The following ATXN1 variants were observed in gnomAD, a reference collection of about 807,000 sequenced individuals.
The protein encoded by ATXN1 is ataxin-1.
In ATXN1, 8 loss-of-function variants were observed where a neutral mutation model predicts 56.4. The ratio of observed to expected loss-of-function variants is 0.14; its 90% CI spans 0.08 to 0.26. ATXN1 has a LOEUF of 0.26. ATXN1 is among the 10% of genes least tolerant of loss of function. The pLI, the probability that ATXN1 is intolerant of heterozygous loss-of-function variation, is 1.00. For synonymous variants in ATXN1, 514 were observed against 494.6 expected (o/e 1.04, Z -0.52); for missense variants, 987 against 1,106.5 (o/e 0.89, Z 1.53).
intron 3 of ATXN1, among the ~76,000 whole-genome samples, chr6:16,610,849 C>A (rs113625415): frequency 7.5e-6 from 1 of 133,330 alleles, no homozygotes; most frequent in African/African-American, 2.8e-5. Context: ...CACATCGAGA[C>A]GTCATCTATA....
chr6:16,553,695 C>T (rs2237182), intron 4 of ATXN1, among the ~76,000 whole-genome samples: 30,920 of 152,058 alleles, frequency 0.2, 3,430 homozygotes, highest in Non-Finnish European at 0.24. Flanking sequence ...AGCATGCATA[C>T]CACTGTCTGT....
intron 2 of ATXN1, among the ~76,000 whole-genome samples, chr6:16,682,108 A>T (rs1229825946): frequency 6.6e-6 from 1 of 151,974 alleles, no homozygotes; most frequent in African/African-American, 2.4e-5. Flanking sequence ...CAACATAAGG[A>T]ATTTCCCTTC....
At chr6:16,756,463 C>A (rs1017539339) in intron 1 of ATXN1, among the ~76,000 whole-genome samples, 12 of 152,132 alleles carry the variant, frequency 7.9e-5, no homozygotes, top group Non-Finnish European at 1.6e-4. Flanking sequence ...ATTTCTATTA[C>A]CATTTCTACA....
intron 3 of ATXN1, among the ~76,000 whole-genome samples, chr6:16,623,910 A>C (rs980051505): frequency 6.6e-6 from 1 of 152,276 alleles, no homozygotes. Flanking sequence ...GCCAGTCATA[A>C]AAGGACAAAT....
intron 2 of ATXN1, among the ~76,000 whole-genome samples, chr6:16,698,946 T>TA (rs1691762856): frequency 6.6e-6 from 1 of 152,250 alleles, no homozygotes; most frequent in African/African-American, 2.4e-5. Flanking sequence ...GCTAATTTTT[T>TA]AAAAGGCAGA....
chr6:16,542,686 T>C (rs1761737896), intron 4 of ATXN1, among the ~76,000 whole-genome samples: 1 of 152,140 alleles, frequency 6.6e-6, no homozygotes, highest in South Asian at 2.1e-4. Context: ...AAGACAGTTG[T>C]CCTCCCATCC....
chr6:16,551,800 T>C (rs989980776), intron 4 of ATXN1, among the ~76,000 whole-genome samples: 1 of 152,164 alleles, frequency 6.6e-6, no homozygotes, highest in African/African-American at 2.4e-5. Context: ...GCATGTTAGA[T>C]CTCTACAGTC....
At chr6:16,758,425 C>T (rs778812333) in intron 1 of ATXN1, among the ~76,000 whole-genome samples, 1 of 152,198 alleles carries the variant, frequency 6.6e-6, no homozygotes, top group Non-Finnish European at 1.5e-5. Flanking sequence ...GATTGTCAGG[C>T]TCCTTTCACT....
intron 3 of ATXN1, among the ~76,000 whole-genome samples, chr6:16,628,471 G>C (rs1259102015): frequency 6.6e-6 from 1 of 152,084 alleles, no homozygotes; most frequent in African/African-American, 2.4e-5. Flanking sequence ...TATTTCTTAA[G>C]CTTTTATTTT....
chr6:16,560,999 G>A (rs1009420097), intron 4 of ATXN1, among the ~76,000 whole-genome samples: 3 of 152,142 alleles, frequency 2.0e-5, no homozygotes, highest in African/African-American at 7.2e-5. Context: ...GTAATTAGTG[G>A]AGACAATGGG....
At chr6:16,333,889 T>C (rs1761050846) in intron 6 of ATXN1, among the ~76,000 whole-genome samples, 1 of 152,000 alleles carries the variant, frequency 6.6e-6, no homozygotes, top group South Asian at 2.1e-4. Flanking sequence ...TAAAAACAGG[T>C]CCAAACCCGA....
chr6:16,454,125 C>CAAAAAAAAAAAAAAAAAAAA (rs56277549), intron 6 of ATXN1, among the ~76,000 whole-genome samples: 6 of 76,664 alleles, frequency 7.8e-5, no homozygotes, highest in Admixed American at 1.4e-4. Flanking sequence ...GACTCTGTCT[C>CAAAAAAAAAAAAAAAAAAAA]AAAAAAAAAA....
At chr6:16,609,902 T>C (rs72825554) in intron 3 of ATXN1, among the ~76,000 whole-genome samples, 3,637 of 152,080 alleles carry the variant, frequency 0.024, 75 homozygotes, top group Middle Eastern at 0.037. Context: ...GAATGACAAG[T>C]AAATGAAAAC....
chr6:16,618,753 G>GAA (rs61228681), intron 3 of ATXN1, among the ~76,000 whole-genome samples: 3 of 142,204 alleles, frequency 2.1e-5, no homozygotes, highest in Admixed American at 7.0e-5. Flanking sequence ...TCAACTGTGG[G>GAA]AAAAAAAAAA....
chr6:16,593,646 T>C (rs531371404), intron 3 of ATXN1, among the ~76,000 whole-genome samples: 2 of 152,230 alleles, frequency 1.3e-5, no homozygotes, highest in African/African-American at 4.8e-5. Context: ...AAATACATAG[T>C]TTAATTGTGC....
intron 2 of ATXN1, among the ~76,000 whole-genome samples, chr6:16,740,079 T>C (rs1036687420): frequency 1.3e-5 from 2 of 152,196 alleles, no homozygotes; most frequent in African/African-American, 4.8e-5. Context: ...ACTAATGAGG[T>C]TTCCAGATAT....
intron 6 of ATXN1, among the ~76,000 whole-genome samples, chr6:16,337,353 G>A (rs182903668): frequency 7.9e-4 from 121 of 152,306 alleles, no homozygotes; most frequent in African/African-American, 2.6e-3. Context: ...GCACATGTCC[G>A]TGAGAGCTGG....
chr6:16,726,412 G>A (rs537562008), intron 2 of ATXN1, among the ~76,000 whole-genome samples: 2 of 151,040 alleles, frequency 1.3e-5, no homozygotes, highest in African/African-American at 2.4e-5. Context: ...AGGGTTCCCA[G>A]TTCTGCCCAC....
intron 4 of ATXN1, among the ~76,000 whole-genome samples, chr6:16,569,621 C>T (rs1762295074): frequency 6.6e-6 from 1 of 151,716 alleles, no homozygotes; most frequent in African/African-American, 2.4e-5. Flanking sequence ...ACAGGGTACT[C>T]ATGGCCAAAT....
Sources: allele counts gnomAD v4.1 joint callset (sites outside exome capture counted in the v4.1 genomes callset), GRCh38; gene constraint gnomAD v4.1.1; transcripts MANE v1.5; gene names NCBI Gene and HGNC (gene_info 2026-07-23, HGNC 2026-07-21).